The following ACR variants were observed in gnomAD, a reference collection of about 807,000 sequenced individuals.
ACR encodes acrosin.
Under a neutral mutation model 26.0 loss-of-function variants are expected in ACR, and 17 were observed. That is an observed-to-expected ratio of 0.65 (90% CI 0.45 to 0.98). The LOEUF is 0.98. Ranked by LOEUF, ACR falls within the 50% of genes least tolerant of loss-of-function variation. The probability of loss-of-function intolerance (pLI) is 0.00; values close to 1 mark genes in which losing one functional copy is unlikely to be tolerated. For synonymous variants in ACR, 199 were observed against 207.7 expected (o/e 0.96, Z 0.36); for missense variants, 435 against 519.3 (o/e 0.84, Z 1.58).
rs1482358048 is a variant in ACR, at chr22:50,744,754, C to T, written c.813C>T (p.Arg271=). The change falls in exon 5 of 5, where the codon CGC becomes CGT. Residue 271 remains arginine (R), a synonymous_variant. Coordinates refer to ENST00000216139, the MANE Select transcript of ACR (RefSeq NM_001097.3). ...GGGTAGGCTGTGCCCGTGCCAAGCGCCCCGGAATCTACACGGCCACCTGGC... is the reference window on the plus strand; with the variant it reads ...GGGTAGGCTGTGCCCGTGCCAAGCGTCCCGGAATCTACACGGCCACCTGGC... The part of the protein sequence containing the change: ...SWGVGCARAK[R]PGIYTATWPY... 3.1e-6 allele frequency: 5 copies of T among 1,611,754 alleles called. No individual in the cohort carries two copies. The highest frequency in any genetic ancestry group is 1.7e-5 in the Admixed American group (1 of 59,804).
In ACR at chr22:50,742,442, G is replaced by T. The variant is rs190741616; in HGVS notation, c.566-1619G>T. Reference sequence around the variant, plus strand: ...GCCTGTAGTCCCAGCTACTCGGGAGGCTGAGGCAGGAGAATGGCGTGAACC... The same window carrying T: ...GCCTGTAGTCCCAGCTACTCGGGAGTCTGAGGCAGGAGAATGGCGTGAACC... On this transcript the variant is annotated intron_variant, in intron 3 of 4. Coordinates refer to ENST00000216139, the MANE Select transcript of ACR (RefSeq NM_001097.3). Among the ~76,000 whole-genome samples the T allele has an allele frequency of 6.1e-3, 931 of 151,734 alleles. 10 individuals carry two copies. The highest frequency in any genetic ancestry group is 0.022 in the African/African-American group (893 of 41,306).
At chr22:50,741,038 G>C (rs1433500852) in intron 3 of ACR, among the ~76,000 whole-genome samples, 1 of 152,212 alleles carries the variant, frequency 6.6e-6, no homozygotes, top group Non-Finnish European at 1.5e-5. Context: ...TATACTTCCA[G>C]CTTTCCATAA....
intron 1 of ACR, among the ~76,000 whole-genome samples, chr22:50,738,676 C>T (rs1009175781): frequency 2.6e-5 from 4 of 151,830 alleles, no homozygotes; most frequent in African/African-American, 7.3e-5. Flanking sequence ...CCCCTACCCC[C>T]CAGTAGGCTC....
Position 50,744,111 on chromosome 22 carries a change from C to T in ACR, c.616C>T (p.Leu206=). Residue 206 remains leucine, a synonymous_variant, in exon 4 of 5, where the codon CTG becomes TTG. Coordinates refer to ENST00000216139, the MANE Select transcript of ACR (RefSeq NM_001097.3). Reference sequence around the variant, plus strand: ...GGAGGCACGTGTGGATCTCATCGACCTGGACTTGTGTAACTCGACCCAGTG... The same window carrying T: ...GGAGGCACGTGTGGATCTCATCGACTTGGACTTGTGTAACTCGACCCAGTG... The part of the protein sequence containing the change: ...LMEARVDLID[L]DLCNSTQWYN... 1 of 1,613,512 alleles carries T rather than the reference C, an allele frequency of 6.2e-7. No homozygotes were observed. Among genetic ancestry groups the T allele is most frequent in the Non-Finnish European group, 8.5e-7 (1 of 1,179,740 alleles).
At position 50,744,803 on chromosome 22, in the gene ACR, A is replaced by G. The variant is rs554924256; in HGVS notation, c.862A>G (p.Lys288Glu). The change falls in exon 5 of 5, where the codon AAG becomes GAG. Residue 288 changes from lysine to glutamate, a missense_variant. Lys to Glu is a moderately conservative substitution (Grantham distance 56). This residue lies in a region of ACR where 29 missense variants were observed against 59.4 expected (regional missense o/e 0.49). Transcript: ENST00000216139. Reference protein sequence around the residue: ...TWPYLNWIASKIGSNALRMIQ... With the variant: ...TWPYLNWIASEIGSNALRMIQ... ...GCCCTATCTGAACTGGATCGCCTCC[A>G]AGATTGGTTCTAACGCTTTGCGTAT... The G allele has an allele frequency of 1.9e-5, 30 of 1,609,246 alleles. 1 individual carries two copies. In the African/African-American group the frequency reaches 3.6e-4, roughly 19 times the overall value.
chr22:50,744,198 AC>A lies in ACR; in HGVS notation c.705del (p.Cys236AlafsTer29). ...CAGYPVGKID[T>X]CQGDSGGPLM... Reference sequence around the variant, plus strand: ...GGGGTATCCTGTAGGCAAGATCGACACCTGCCAGGTAACCTTCCTTCTGGCT... The same window carrying A: ...GGGGTATCCTGTAGGCAAGATCGACACTGCCAGGTAACCTTCCTTCTGGCT... On this transcript the variant is annotated frameshift_variant, in exon 4 of 5. Coordinates refer to ENST00000216139, the MANE Select transcript of ACR (RefSeq NM_001097.3). LOFTEE classifies it low-confidence loss of function (END_TRUNC). 1 of 1,613,424 alleles carries A rather than the reference AC, an allele frequency of 6.2e-7. No homozygotes were observed. Among genetic ancestry groups the A allele is most frequent in the Non-Finnish European group, 8.5e-7 (1 of 1,179,702 alleles).
chr22:50,744,578 C>T, intron 4 of ACR, 75 bp from the exon 5 acceptor site: 3 of 1,496,292 alleles, frequency 2.0e-6, no homozygotes, highest in Non-Finnish European at 2.7e-6. Flanking sequence ...AATTGTCCTC[C>T]CAGAGCCTTC....
At chr22:50,743,472 G>A (rs2083435829) in intron 3 of ACR, 1 of 154,792 alleles carries the variant, frequency 6.5e-6, no homozygotes, top group African/African-American at 2.4e-5. Context: ...CATATGGGGA[G>A]GGACTTATTG....
In ACR at chr22:50,739,870, C is replaced by G; in HGVS notation, c.458C>G (p.Ser153Trp). The G allele has an allele frequency of 6.2e-7, 1 of 1,612,436 alleles. No homozygotes were observed. The highest frequency in any genetic ancestry group is 8.5e-7 in the Non-Finnish European group (1 of 1,178,878). The change falls in exon 3 of 5, where the codon TCG (serine) becomes TGG (tryptophan). Residue 153 changes from serine to tryptophan, a missense_variant. Coordinates refer to ENST00000216139, the MANE Select transcript of ACR (RefSeq NM_001097.3). This position sits in a 1 kb window ranked among gnomAD's most constrained non-coding sequence, Gnocchi z 5.5. ...CTCGTGGAGATCACCCCTCCCATTT[C>G]GTGTGGGCGCTTCATTGGGCCGGGC... is the stretch of plus-strand genomic sequence containing the variant. ...IALVEITPPI[S>W]CGRFIGPGCL...
In ACR at chr22:50,739,516, C is replaced by T; in HGVS notation, c.281+42C>T. On this transcript the variant is annotated intron_variant, in intron 2 of 4. Transcript: ENST00000216139. This position sits in a 1 kb window ranked among gnomAD's most constrained non-coding sequence, Gnocchi z 5.5. ...ACTGAGGGAGGTCTTCAGAACGGCT[C>T]TTCTCAGAGAGGGGCGTTCCCCGGG... 2 of 1,609,560 alleles carry T rather than the reference C, an allele frequency of 1.2e-6. No individual in the cohort carries two copies. Among genetic ancestry groups the T allele is most frequent in the Non-Finnish European group, 1.7e-6 (2 of 1,176,466 alleles).
In ACR at chr22:50,739,666, G is replaced by A; in HGVS notation, c.282-28G>A. On this transcript the variant is annotated intron_variant, in intron 2 of 4. Coordinates refer to ENST00000216139, the MANE Select transcript of ACR (RefSeq NM_001097.3). This position sits in a 1 kb window ranked among gnomAD's most constrained non-coding sequence, Gnocchi z 5.5. Reference sequence around the variant, plus strand: ...TCACCAGGCTTTTGTCCAGCCGGTTGTGACCTGGCTTACCTTTGTGCCCAC... The same window carrying A: ...TCACCAGGCTTTTGTCCAGCCGGTTATGACCTGGCTTACCTTTGTGCCCAC... 1 of 1,538,118 alleles carries A rather than the reference G, an allele frequency of 6.5e-7. No individual in the cohort carries two copies. The highest frequency in any genetic ancestry group is 8.7e-7 in the Non-Finnish European group (1 of 1,143,476).
rs1046181499 is a variant in ACR at position 50,744,936 on chromosome 22, C to G, written c.995C>G (p.Pro332Arg). 3 of 1,544,092 alleles carry G rather than the reference C, an allele frequency of 1.9e-6. No individual in the cohort carries two copies. Among genetic ancestry groups the G allele is most frequent in the African/African-American group, 3.1e-5 (2 of 63,818 alleles). ...AHLPWYFQPPPRPLPPRPPAA... is the reference protein window; with the variant it reads ...AHLPWYFQPPRRPLPPRPPAA... ...CTTCCTTGGTATTTCCAACCGCCCC[C>G]TCGACCACTTCCACCCCGACCACCG... is the stretch of plus-strand genomic sequence containing the variant. The change falls in exon 5 of 5, where the codon CCT becomes CGT. Residue 332 changes from proline to arginine, a missense_variant. This residue lies in a region of ACR where 92 missense variants were observed against 87.8 expected (regional missense o/e 1.05). Transcript: ENST00000216139.
At chr22:50,742,782 TC>T (rs2083431042) in intron 3 of ACR, among the ~76,000 whole-genome samples, 1 of 152,176 alleles carries the variant, frequency 6.6e-6, no homozygotes, top group Non-Finnish European at 1.5e-5. Flanking sequence ...CACTCGTGTG[TC>T]CCCTGTCTCC....
At position 50,739,242 on chromosome 22, in the gene ACR, GT is replaced by G. The variant is rs1569122902; in HGVS notation, c.78-26del. ...CAAGGACAGGCTGTGCTCATGCCAG[GT>G]TTGAACTGTGCTCTGGTCTCTCCCC... On this transcript the variant is annotated intron_variant, in intron 1 of 4. Transcript: ENST00000216139. This position sits in a 1 kb window ranked among gnomAD's most constrained non-coding sequence, Gnocchi z 5.5. 1 of 1,545,720 alleles carries G rather than the reference GT, an allele frequency of 6.5e-7. No individual in the cohort carries two copies. The highest frequency in any genetic ancestry group is 2.0e-5 in the Admixed American group (1 of 51,228).
At chr22:50,740,707 T>C in intron 3 of ACR, 1 of 702,488 alleles carries the variant, frequency 1.4e-6, no homozygotes, top group Non-Finnish European at 2.6e-6. Flanking sequence ...AAGCTGTCTC[T>C]CTCTCCCCTG....
chr22:50,739,844 C>T lies in ACR; in HGVS notation c.432C>T (p.Ala144=). 2 of 1,612,124 alleles carry T rather than the reference C, an allele frequency of 1.2e-6. No homozygotes were observed. Among genetic ancestry groups the T allele is most frequent in the East Asian group, 2.2e-5 (1 of 44,852 alleles). ...YNSATEGNDI[A]LVEITPPISC... ...CTGCGACAGAGGGAAATGACATTGC[C>T]CTCGTGGAGATCACCCCTCCCATTT... The change falls in exon 3 of 5, where the codon GCC becomes GCT. Residue 144 remains alanine, a synonymous_variant. Coordinates refer to ENST00000216139, the MANE Select transcript of ACR (RefSeq NM_001097.3). This position sits in a 1 kb window ranked among gnomAD's most constrained non-coding sequence, Gnocchi z 5.5.
intron 1 of ACR, among the ~76,000 whole-genome samples, chr22:50,738,729 A>G (rs2083410124): frequency 6.6e-6 from 1 of 151,436 alleles, no homozygotes; most frequent in South Asian, 2.1e-4. Flanking sequence ...CTCCCAAGCT[A>G]TATGTGGCCT....
chr22:50,740,062 C>T (rs952549308), intron 3 of ACR, 85 bp downstream of exon 3: 3 of 1,559,840 alleles, frequency 1.9e-6, no homozygotes, highest in Non-Finnish European at 2.6e-6. Context: ...TTGTTGACAC[C>T]CAGCCAGGCT....
rs753102410 is a variant in ACR at position 50,739,918 on chromosome 22, G to T, written c.506G>T (p.Gly169Val). ...GPGCLPHFKA[G>V]LPRGSQSCWV... ...GGCTGCCTGCCCCACTTTAAGGCAGGCCTCCCCAGAGGCTCCCAGAGCTGC... is the reference window on the plus strand; with the variant it reads ...GGCTGCCTGCCCCACTTTAAGGCAGTCCTCCCCAGAGGCTCCCAGAGCTGC... The change falls in exon 3 of 5, where the codon GGC becomes GTC. Residue 169 changes from glycine (G) to valine (V), a missense_variant. Transcript: ENST00000216139. The surrounding 1 kb of genome is among the most constrained non-coding windows in gnomAD (Gnocchi z 5.5). 6.2e-7 allele frequency: 1 copy of T among 1,613,904 alleles called. No homozygotes were observed.
Sources: gnomAD v4.1 joint callset for allele counts (sites outside exome capture counted in the v4.1 genomes callset) on GRCh38, gnomAD v4.1.1 for gene constraint, gnomAD v4.1.1 regional missense constraint, Gnocchi (gnomAD v3.1) non-coding constraint, MANE v1.5 for transcripts, NCBI Gene and HGNC (gene_info 2026-07-23, HGNC 2026-07-21) for gene names.